ARHGAP17: variants seen among roughly 807,000 people sequenced by gnomAD.
ARHGAP17 encodes rho GTPase-activating protein 17.
In ARHGAP17, 57 loss-of-function variants were observed where a neutral mutation model predicts 99.5. The observed-to-expected ratio is 0.57, with a 90% CI of 0.46 to 0.71. The LOEUF (loss-of-function observed/expected upper bound fraction) is 0.71. ARHGAP17 is among the 30% of genes least tolerant of loss of function. The pLI is 0.00. For synonymous variants in ARHGAP17, 417 were observed against 429.6 expected (o/e 0.97, Z 0.36); for missense variants, 1,000 against 1,122.4 (o/e 0.89, Z 1.56).
chr16:24,929,034 G>A (rs981453885), intron 19 of ARHGAP17, among the ~76,000 whole-genome samples: 29 of 152,138 alleles, frequency 1.9e-4, no homozygotes, highest in African/African-American at 2.4e-4. Flanking sequence ...ATTTCCTCCC[G>A]TGCTGACTGC....
At chr16:24,997,965 G>A (rs201610814) in intron 1 of ARHGAP17, among the ~76,000 whole-genome samples, 6 of 152,062 alleles carry the variant, frequency 3.9e-5, no homozygotes, top group Admixed American at 6.6e-5. Flanking sequence ...CAGCAAACAC[G>A]GATCTGGGGG....
intron 7 of ARHGAP17, among the ~76,000 whole-genome samples, chr16:24,962,013 G>A (rs2052025245): frequency 6.9e-6 from 1 of 145,004 alleles, no homozygotes; most frequent in African/African-American, 2.6e-5. Context: ...TGGCATCAAG[G>A]TACACAAATT....
chr16:24,968,832 C>T (rs1346443711), intron 4 of ARHGAP17, 60 bp from the exon 5 acceptor site: 12 of 1,525,074 alleles, frequency 7.9e-6, no homozygotes, highest in African/African-American at 4.1e-5. Context: ...ACTGGATTAT[C>T]GTGTGGATCA....
intron 1 of ARHGAP17, among the ~76,000 whole-genome samples, chr16:24,999,133 C>T (rs564849056): frequency 8.0e-4 from 122 of 152,316 alleles, no homozygotes; most frequent in Admixed American, 1.7e-3. Context: ...AGCCTGGAAG[C>T]TTTGCATTTC....
chr16:25,009,437 A>G (rs2053588287), intron 1 of ARHGAP17, among the ~76,000 whole-genome samples: 1 of 151,408 alleles, frequency 6.6e-6, no homozygotes, highest in Non-Finnish European at 1.5e-5. Context: ...GACACAGTGG[A>G]GTGGGTGAGG....
chr16:24,943,623 T>C, intron 15 of ARHGAP17, 148 bp downstream of exon 15: 2 of 660,998 alleles, frequency 3.0e-6, no homozygotes, highest in Middle Eastern at 3.0e-4. Context: ...AAAATACAAA[T>C]GCAATGAACA....
chr16:24,926,140 AAGAG>A (rs2050838287), intron 19 of ARHGAP17, among the ~76,000 whole-genome samples: 16 of 150,514 alleles, frequency 1.1e-4, no homozygotes, highest in African/African-American at 3.9e-4. Context: ...AAGAAAAGAG[AAGAG>A]AAGAGAAGAG....
intron 19 of ARHGAP17, among the ~76,000 whole-genome samples, chr16:24,926,865 T>G (rs1367496798): frequency 6.6e-6 from 1 of 152,168 alleles, no homozygotes; most frequent in East Asian, 1.9e-4. Context: ...CCACCCCCAG[T>G]CTCCTGTGTT....
At chr16:24,986,391 C>T (rs1227035788) in intron 1 of ARHGAP17, among the ~76,000 whole-genome samples, 1 of 152,142 alleles carries the variant, frequency 6.6e-6, no homozygotes, top group African/African-American at 2.4e-5. Context: ...AACCAGGGGT[C>T]AGCAAACTAT....
intron 1 of ARHGAP17, among the ~76,000 whole-genome samples, chr16:25,001,311 T>A (rs1167936136): frequency 6.6e-6 from 1 of 152,174 alleles, no homozygotes; most frequent in African/African-American, 2.4e-5. Flanking sequence ...ACACACAAAG[T>A]CATGTGCAAT....
chr16:24,938,681 A>T (rs897166783), intron 17 of ARHGAP17, among the ~76,000 whole-genome samples: 1 of 149,098 alleles, frequency 6.7e-6, no homozygotes, highest in Non-Finnish European at 1.5e-5. Context: ...CTTAGGTAGG[A>T]GGATTGCTTG....
chr16:24,971,446 C>T (rs1348239087), intron 3 of ARHGAP17, among the ~76,000 whole-genome samples: 1 of 151,766 alleles, frequency 6.6e-6, no homozygotes, highest in Non-Finnish European at 1.5e-5. Flanking sequence ...TCTCGTGCCT[C>T]AGCCTCCCCT....
intron 6 of ARHGAP17, among the ~76,000 whole-genome samples, chr16:24,967,922 TAC>T (rs1334679918): frequency 7.9e-5 from 12 of 152,190 alleles, no homozygotes; most frequent in Non-Finnish European, 1.5e-4. Flanking sequence ...CTGATTTGGC[TAC>T]ATAGGTTTAC....
chr16:24,964,315 A>G lies in ARHGAP17; in HGVS notation c.462-7T>C. On this transcript the variant is annotated splice_polypyrimidine_tract_variant and splice_region_variant and intron_variant, in intron 6 of 19. Coordinates refer to ENST00000289968, the MANE Select transcript of ARHGAP17 (RefSeq NM_001006634.3). Reference sequence around the variant, plus strand: ...TTTGTGAGCTTGGTTCCACCTGCAAAACAAAGGGGTCACCAGCATCTGAGA... The same window carrying G: ...TTTGTGAGCTTGGTTCCACCTGCAAGACAAAGGGGTCACCAGCATCTGAGA... 6.3e-7 allele frequency: 1 copy of G among 1,592,118 alleles called. No individual in the cohort carries two copies. The highest frequency in any genetic ancestry group is 8.6e-7 in the Non-Finnish European group (1 of 1,160,730).
chr16:24,934,982 G>A (rs1225642726), intron 18 of ARHGAP17, among the ~76,000 whole-genome samples: 1 of 152,194 alleles, frequency 6.6e-6, no homozygotes, highest in Non-Finnish European at 1.5e-5. Flanking sequence ...CCACTGAAGA[G>A]TTTAACCAAG....
At position 24,930,722 on chromosome 16, in the gene ARHGAP17, T is replaced by G. The variant is rs530502701; in HGVS notation, c.2515+62A>C. 2.5e-6 allele frequency: 4 copies of G among 1,613,752 alleles called. No individual in the cohort carries two copies. In the African/African-American group the frequency reaches 5.3e-5, roughly 22 times the overall value. On this transcript the variant is annotated intron_variant, in intron 19 of 19. Coordinates refer to ENST00000289968, the MANE Select transcript of ARHGAP17 (RefSeq NM_001006634.3). ...GGCATAAATCAAAGCTTAAATAAAA[T>G]GTAGTAGTACAAAAGCAATGTAGAG...
intron 12 of ARHGAP17, 122 bp downstream of exon 12, chr16:24,952,167 G>A (rs1179665950): frequency 2.2e-5 from 14 of 650,238 alleles, no homozygotes; most frequent in Admixed American, 2.0e-4. Context: ...GCTGAGACAT[G>A]TATTATTTAA....
intron 12 of ARHGAP17, among the ~76,000 whole-genome samples, chr16:24,950,690 A>C (rs2051607322): frequency 6.6e-6 from 1 of 152,056 alleles, no homozygotes; most frequent in Non-Finnish European, 1.5e-5. Context: ...CAAAAAAATT[A>C]GCCAGGCATG....
intron 7 of ARHGAP17, among the ~76,000 whole-genome samples, chr16:24,960,650 T>A (rs1030474456): frequency 6.6e-5 from 10 of 150,708 alleles, no homozygotes; most frequent in Non-Finnish European, 1.3e-4. Flanking sequence ...ACCCTGTCGC[T>A]ACTAAAAATA....
Sources: gnomAD v4.1 joint callset for allele counts (sites outside exome capture counted in the v4.1 genomes callset) on GRCh38, gnomAD v4.1.1 for gene constraint, MANE v1.5 for transcripts, NCBI Gene and HGNC (gene_info 2026-07-23, HGNC 2026-07-21) for gene names.